Variants in ABCB1 observed in about 807,000 individuals in gnomAD.
The protein encoded by ABCB1 is ATP-dependent translocase ABCB1.
ABCB1 carries 69 observed loss-of-function variants against 142.0 expected under a neutral mutation model. That is an observed-to-expected ratio of 0.49 (90% CI 0.40 to 0.59). The LOEUF (loss-of-function observed/expected upper bound fraction) is 0.59, where lower values mean the gene tolerates loss of function less well. Among genes scored for constraint, ABCB1 ranks in the 20% least tolerant of loss-of-function variants. The pLI is 0.00. For missense variants in ABCB1, 1,326 were observed against 1,554.7 expected, an observed-to-expected ratio of 0.85 and a Z score of 2.47; for synonymous variants, 532 against 539.2, an observed-to-expected ratio of 0.99 and a Z score of 0.18.
intron 1 of ABCB1, among the ~76,000 whole-genome samples, chr7:87,662,467 A>G (rs1372509512): frequency 1.3e-5 from 2 of 152,192 alleles, no homozygotes; most frequent in Non-Finnish European, 1.5e-5. Context: ...ATTCTTCTGC[A>G]TATGGATAAC....
intron 1 of ABCB1, among the ~76,000 whole-genome samples, chr7:87,691,938 A>G (rs1828053804): frequency 6.6e-6 from 1 of 152,180 alleles, no homozygotes; most frequent in South Asian, 2.1e-4. Context: ...ATTTGACTAC[A>G]TTAGATAACT....
chr7:87,643,284 G>A (rs1386482429), intron 1 of ABCB1, among the ~76,000 whole-genome samples: 1 of 152,078 alleles, frequency 6.6e-6, no homozygotes, highest in Non-Finnish European at 1.5e-5. Flanking sequence ...CACGAAGAGA[G>A]TTTCATGTTT....
intron 1 of ABCB1, chr7:87,709,311 A>G: frequency 2.0e-6 from 2 of 985,182 alleles, no homozygotes; most frequent in Non-Finnish European, 2.4e-6. Context: ...TAGCCTTTTG[A>G]TTCAAGACAC....
intron 3 of ABCB1, among the ~76,000 whole-genome samples, chr7:87,594,103 A>G (rs1344407601): frequency 6.6e-6 from 1 of 152,190 alleles, no homozygotes; most frequent in Non-Finnish European, 1.5e-5. Flanking sequence ...TATTGAAGTT[A>G]CATTCAATGT....
At chr7:87,693,914 C>T (rs756808827) in intron 1 of ABCB1, 6 of 1,608,320 alleles carry the variant, frequency 3.7e-6, no homozygotes, top group Non-Finnish European at 5.1e-6. Context: ...AAAGAGATTT[C>T]CCAAAGTTGC....
intron 2 of ABCB1, among the ~76,000 whole-genome samples, chr7:87,598,640 T>C (rs1819310953): frequency 6.6e-6 from 1 of 152,232 alleles, no homozygotes; most frequent in African/African-American, 2.4e-5. Context: ...ATCATTGCTT[T>C]ATTTTCTCTA....
chr7:87,506,698 C>G (rs1319120480), intron 26 of ABCB1, among the ~76,000 whole-genome samples: 1 of 152,212 alleles, frequency 6.6e-6, no homozygotes, highest in Non-Finnish European at 1.5e-5. Context: ...ATGATAGGGA[C>G]AGCAGTTAAA....
chr7:87,681,194 A>C (rs886199826), intron 1 of ABCB1, among the ~76,000 whole-genome samples: 4 of 150,666 alleles, frequency 2.7e-5, no homozygotes, highest in Non-Finnish European at 5.9e-5. Context: ...CAGTATTTAA[A>C]ACCTTCCAAC....
At position 87,503,509 on chromosome 7, in the gene ABCB1, C is replaced by G. The variant is rs576667592; in HGVS notation, c.*734G>C. On this transcript the variant is annotated 3_prime_UTR_variant, in exon 28 of 28. Transcript: ENST00000622132. Reference sequence around the variant, plus strand: ...AAATCTTAAAAAATCCTTAAAGAACCCTTTATAAAAGCAATGCAAAGTATT... The same window carrying G: ...AAATCTTAAAAAATCCTTAAAGAACGCTTTATAAAAGCAATGCAAAGTATT... 6.6e-6 allele frequency: 1 copy of G among 152,126 alleles called. No individual in the cohort carries two copies. Among genetic ancestry groups the G allele is most frequent in the Admixed American group, 6.5e-5 (1 of 15,284 alleles). The allele number at this position is 152,126 out of a possible 1,614,324, so 9.4% of individuals were successfully genotyped here.
rs138634468 is a variant in ABCB1 at position 87,682,648 on chromosome 7, A to G, written c.-331+30513T>C. On this transcript the variant is annotated intron_variant, in intron 1 of 28. Transcript: ENST00000265724. ...TTTTTCTGAGTAGTGGATCAAAACA[A>G]TGGGCTTTGAATATTTAGTAAGCCA... Among the ~76,000 whole-genome samples the G allele has an allele frequency of 1.2e-4, 18 of 152,300 alleles. No individual in the cohort carries two copies. The East Asian group carries it at 2.3e-3, about 20-fold the overall frequency.
In ABCB1 at chr7:87,505,918, A is replaced by G. The variant is rs1646538057; in HGVS notation, c.3615T>C (p.Ala1205=). The change falls in exon 27 of 28, where the codon GCT becomes GCC. Residue 1205 remains alanine, a synonymous_variant. Transcript: ENST00000622132. ...HILLLDEATS[A]LDTESEKVVQ... Reference sequence around the variant, plus strand: ...TTACCTTTTCACTTTCTGTATCCAGAGCTGACGTGGCTTCATCCAAAAGCA... The same window carrying G: ...TTACCTTTTCACTTTCTGTATCCAGGGCTGACGTGGCTTCATCCAAAAGCA... The G allele has an allele frequency of 1.4e-5, 22 of 1,614,178 alleles. No individual in the cohort carries two copies. Among genetic ancestry groups the G allele is most frequent in the Non-Finnish European group, 1.9e-5 (22 of 1,180,026 alleles).
At position 87,519,368 on chromosome 7, in the gene ABCB1, T is replaced by C; in HGVS notation, c.2885A>G (p.Tyr962Cys). 1.2e-6 allele frequency: 2 copies of C among 1,614,156 alleles called. No individual in the cohort carries two copies. The highest frequency in any genetic ancestry group is 1.7e-6 in the Non-Finnish European group (2 of 1,179,980). The part of the protein sequence containing the change: ...SYAGCFRFGA[Y>C]LVAHKLMSFE... The stretch of plus-strand genomic sequence containing the variant: ...GCTCATGAGTTTATGTGCCACCAAG[T>C]AGGCTCCAAACCGGAAACATCCAGC... The change falls in exon 23 of 28, where the codon TAC (tyrosine) becomes TGC (cysteine). Residue 962 changes from tyrosine to cysteine, a missense_variant. Tyr to Cys is a radical substitution (Grantham distance 194). Transcript: ENST00000622132.
rs1816988343 is a variant in ABCB1 at position 87,550,182 on chromosome 7, T to C, written c.1339A>G (p.Thr447Ala). ...VQLMQRLYDPTEGMVSVDGQD... is the reference protein window; with the variant it reads ...VQLMQRLYDPAEGMVSVDGQD... ...ATGGGTCATCTCACCATCCCCTCTGTGGGGTCATAGAGCCTCTGCATCAGC... is the reference window on the plus strand; with the variant it reads ...ATGGGTCATCTCACCATCCCCTCTGCGGGGTCATAGAGCCTCTGCATCAGC... The change falls in exon 12 of 28, where the codon ACA becomes GCA. Residue 447 changes from threonine (T) to alanine (A), a missense_variant. Thr to Ala is a moderately conservative substitution (Grantham distance 58, BLOSUM62 0). Coordinates refer to ENST00000622132, the MANE Select transcript of ABCB1 (RefSeq NM_001348946.2). 2 of 1,614,216 alleles carry C rather than the reference T, an allele frequency of 1.2e-6. No individual in the cohort carries two copies. The highest frequency in any genetic ancestry group is 3.3e-4 in the Middle Eastern group (2 of 6,062).
chr7:87,516,905 G>GT (rs1213543281), intron 23 of ABCB1, among the ~76,000 whole-genome samples: 2 of 151,450 alleles, frequency 1.3e-5, no homozygotes, highest in Admixed American at 6.6e-5. Flanking sequence ...CCAGCTAATT[G>GT]TTTTATTTTT....
chr7:87,654,826 C>A (rs1823924706), intron 1 of ABCB1, among the ~76,000 whole-genome samples: 1 of 151,824 alleles, frequency 6.6e-6, no homozygotes. Context: ...GGCTAATTTC[C>A]AAAATATATG....
intron 1 of ABCB1, among the ~76,000 whole-genome samples, chr7:87,669,443 CT>C (rs1489460053): frequency 6.6e-6 from 1 of 152,028 alleles, no homozygotes; most frequent in Non-Finnish European, 1.5e-5. Flanking sequence ...CTCACTGTGC[CT>C]TTTAAGTGGG....
intron 1 of ABCB1, among the ~76,000 whole-genome samples, chr7:87,640,596 G>C (rs1343340678): frequency 1.3e-5 from 2 of 152,048 alleles, no homozygotes; most frequent in Non-Finnish European, 2.9e-5. Context: ...CCTCCTGCCT[G>C]GGCCTCCAAA....
At chr7:87,531,183 A>G (rs1816039207) in intron 21 of ABCB1, 111 bp downstream of exon 21, 3 of 968,368 alleles carry the variant, frequency 3.1e-6, no homozygotes, top group Admixed American at 1.9e-5. Flanking sequence ...GCTTTGAGGA[A>G]TGGTTATAAA....
intron 1 of ABCB1, chr7:87,709,157 C>A: frequency 9.4e-6 from 6 of 637,928 alleles, no homozygotes; most frequent in Non-Finnish European, 1.2e-5. Context: ...ATACAGGAAA[C>A]TAAATGCAGC....
Sources: gnomAD v4.1 joint callset for allele counts (sites outside exome capture counted in the v4.1 genomes callset) on GRCh38, gnomAD v4.1.1 for gene constraint, MANE v1.5 for transcripts, NCBI Gene and HGNC (gene_info 2026-07-23, HGNC 2026-07-21) for gene names.